Variants in FAM107B observed in about 807,000 individuals in gnomAD.
The protein encoded by FAM107B is protein FAM107B.
FAM107B carries 21 observed loss-of-function variants against 31.5 expected under a neutral mutation model. The ratio of observed to expected loss-of-function variants is 0.67; its 90% CI spans 0.47 to 0.96. The LOEUF (loss-of-function observed/expected upper bound fraction) is 0.96. FAM107B is among the 40% of genes least tolerant of loss of function. The probability of loss-of-function intolerance (pLI) is 0.00; values close to 1 mark genes in which losing one functional copy is unlikely to be tolerated. For synonymous variants in FAM107B, 157 were observed against 141.5 expected (o/e 1.11, Z -0.78); for missense variants, 452 against 377.1 (o/e 1.20, Z -1.64).
At chr10:14,693,475 C>A (rs367971166) in intron 1 of FAM107B, among the ~76,000 whole-genome samples, 317 of 122,850 alleles carry the variant, frequency 2.6e-3, no homozygotes, top group Middle Eastern at 4.3e-3. Flanking sequence ...GACACCGTCT[C>A]AAAAAAAAAA....
At chr10:14,607,815 A>G (rs1367827498) in intron 2 of FAM107B, among the ~76,000 whole-genome samples, 1 of 152,178 alleles carries the variant, frequency 6.6e-6, no homozygotes, top group Non-Finnish European at 1.5e-5. Flanking sequence ...ACTCCGCTGA[A>G]TGGTTTCTGA....
chr10:14,705,763 A>G (rs1287332802), intron 1 of FAM107B, among the ~76,000 whole-genome samples: 1 of 152,064 alleles, frequency 6.6e-6, no homozygotes, highest in African/African-American at 2.4e-5. Context: ...AGTTTTTTGC[A>G]AGACGAAAGA....
At chr10:14,748,687 G>A (rs1427529599) in intron 1 of FAM107B, among the ~76,000 whole-genome samples, 2 of 152,250 alleles carry the variant, frequency 1.3e-5, no homozygotes, top group Non-Finnish European at 2.9e-5. Context: ...AGTTGCAGCA[G>A]AGCGGTCACC....
At chr10:14,719,741 C>A (rs2131547945) in intron 1 of FAM107B, among the ~76,000 whole-genome samples, 1 of 152,324 alleles carries the variant, frequency 6.6e-6, no homozygotes, top group East Asian at 1.9e-4. Context: ...CACTGTGGTT[C>A]CTCCTCCTGC....
At chr10:14,645,163 G>A (rs116595619) in intron 2 of FAM107B, among the ~76,000 whole-genome samples, 1 of 152,198 alleles carries the variant, frequency 6.6e-6, no homozygotes, top group Non-Finnish European at 1.5e-5. Flanking sequence ...CAGGGCCCCA[G>A]CTTTGTGATT....
chr10:14,607,557 C>T lies in FAM107B; in HGVS notation c.469+60077G>A, dbSNP rs146342501. On this transcript the variant is annotated intron_variant, in intron 2 of 4. Coordinates refer to ENST00000181796, the MANE Select transcript of FAM107B (RefSeq NM_031453.4). ...ATAGATGCTTGTTGAATGAATAAGCCTCGTACTTCCCAGGGTTATAACAGG... is the reference window on the plus strand; with the variant it reads ...ATAGATGCTTGTTGAATGAATAAGCTTCGTACTTCCCAGGGTTATAACAGG... 1.5e-4 allele frequency among the ~76,000 whole-genome samples: 23 copies of T among 152,232 alleles called. No individual in the cohort carries two copies. In the East Asian group the frequency reaches 3.9e-3, roughly 26 times the overall value.
At chr10:14,772,880 T>C (rs1833339164) in intron 1 of FAM107B, among the ~76,000 whole-genome samples, 1 of 152,220 alleles carries the variant, frequency 6.6e-6, no homozygotes, top group Non-Finnish European at 1.5e-5. Flanking sequence ...AACCCTTTGT[T>C]CTTGCGGCTG....
chr10:14,679,624 T>C (rs1374282676), intron 1 of FAM107B, among the ~76,000 whole-genome samples: 3 of 152,316 alleles, frequency 2.0e-5, no homozygotes, highest in South Asian at 4.1e-4. Flanking sequence ...CCAGGCAAGA[T>C]GACAAAACCG....
At chr10:14,680,489 G>A (rs4750547) in intron 1 of FAM107B, among the ~76,000 whole-genome samples, 13,089 of 151,002 alleles carry the variant, frequency 0.087, 669 homozygotes, top group East Asian at 0.21. Context: ...CAGGAGAATC[G>A]CTTGAACCCC....
intron 1 of FAM107B, among the ~76,000 whole-genome samples, chr10:14,757,795 G>A (rs573057403): frequency 9.2e-5 from 14 of 152,290 alleles, no homozygotes; most frequent in Middle Eastern, 3.4e-3. Context: ...AAGATCTCCC[G>A]TTGAAATCAT....
chr10:14,595,142 T>A (rs2031618), intron 2 of FAM107B, among the ~76,000 whole-genome samples: 1 of 150,236 alleles, frequency 6.7e-6, no homozygotes, highest in Non-Finnish European at 1.5e-5. Flanking sequence ...AAAACTGGAC[T>A]GGGGGGAGGC....
At chr10:14,676,445 C>T (rs1275603548) in intron 1 of FAM107B, among the ~76,000 whole-genome samples, 1 of 152,184 alleles carries the variant, frequency 6.6e-6, no homozygotes, top group Non-Finnish European at 1.5e-5. Flanking sequence ...TCAGAGTCTA[C>T]ACCCTCTCTT....
At chr10:14,707,762 A>G (rs1855554609) in intron 1 of FAM107B, among the ~76,000 whole-genome samples, 1 of 152,188 alleles carries the variant, frequency 6.6e-6, no homozygotes. Context: ...CCCATCCATA[A>G]ACATGGCTCC....
chr10:14,716,558 G>A (rs1855783142), intron 1 of FAM107B, among the ~76,000 whole-genome samples: 1 of 152,196 alleles, frequency 6.6e-6, no homozygotes, highest in Admixed American at 6.5e-5. Context: ...TGTGAGAAGT[G>A]AGTTCCTATA....
chr10:14,609,881 A>G (rs1382783795), intron 2 of FAM107B, among the ~76,000 whole-genome samples: 1 of 152,182 alleles, frequency 6.6e-6, no homozygotes, highest in African/African-American at 2.4e-5. Context: ...AACCTTGGAG[A>G]GGTATCACAT....
At chr10:14,543,965 CCT>C (rs1564547209) in intron 2 of FAM107B, among the ~76,000 whole-genome samples, 1 of 152,114 alleles carries the variant, frequency 6.6e-6, no homozygotes, top group Admixed American at 6.5e-5. Flanking sequence ...TTCACTCACC[CCT>C]GTTCCCAAGA....
chr10:14,668,865 T>C (rs1202400130), intron 1 of FAM107B, among the ~76,000 whole-genome samples: 9 of 152,168 alleles, frequency 5.9e-5, no homozygotes, highest in African/African-American at 2.2e-4. Flanking sequence ...CAATAGAAGA[T>C]ATGCTAGACC....
At chr10:14,682,208 CA>C (rs1854852878) in intron 1 of FAM107B, among the ~76,000 whole-genome samples, 2 of 152,168 alleles carry the variant, frequency 1.3e-5, no homozygotes, top group African/African-American at 2.4e-5. Context: ...AGAACAGACA[CA>C]AATGTTTAGG....
chr10:14,722,140 G>T (rs1588730738), intron 1 of FAM107B, among the ~76,000 whole-genome samples: 1 of 152,130 alleles, frequency 6.6e-6, no homozygotes, highest in African/African-American at 2.4e-5. Flanking sequence ...ACTAATTCCA[G>T]AATATTTTCA....
Sources: gnomAD v4.1 joint callset for allele counts (sites outside exome capture counted in the v4.1 genomes callset) on GRCh38, gnomAD v4.1.1 for gene constraint, MANE v1.5 for transcripts, NCBI Gene and HGNC (gene_info 2026-07-23, HGNC 2026-07-21) for gene names.